Variants in CUBN observed in about 807,000 individuals in gnomAD.
The protein encoded by CUBN is cubilin.
In CUBN, 282 loss-of-function variants were observed where a neutral mutation model predicts 405.3. The ratio of observed to expected loss-of-function variants is 0.70; its 90% CI spans 0.63 to 0.77. CUBN has a LOEUF of 0.77. Among genes scored for constraint, CUBN ranks in the 30% least tolerant of loss-of-function variants. The pLI, the probability that CUBN is intolerant of heterozygous loss-of-function variation, is 0.00. For synonymous variants in CUBN, 1,684 were observed against 1,617.0 expected (o/e 1.04, Z -0.99); for missense variants, 4,514 against 4,475.2 (o/e 1.01, Z -0.25).
At chr10:17,000,155 A>C (rs1386192426) in intron 28 of CUBN, among the ~76,000 whole-genome samples, 3 of 152,074 alleles carry the variant, frequency 2.0e-5, no homozygotes, top group Admixed American at 6.5e-5. Context: ...CCCATGGTCC[A>C]CTCTAGCCCG....
chr10:17,123,554 G>C, intron 5 of CUBN, 34 bp downstream of exon 5: 3 of 1,454,586 alleles, frequency 2.1e-6, no homozygotes, highest in Non-Finnish European at 1.9e-6. Context: ...ATGCTGACCT[G>C]CCATCATTCT....
chr10:16,966,941 G>A (rs942776906), intron 31 of CUBN, among the ~76,000 whole-genome samples: 7 of 152,112 alleles, frequency 4.6e-5, no homozygotes, highest in African/African-American at 1.7e-4. Flanking sequence ...ATAATATGGC[G>A]GTATACCTGC....
chr10:17,113,609 C>T (rs1028538980), intron 8 of CUBN, among the ~76,000 whole-genome samples: 13 of 152,112 alleles, frequency 8.5e-5, no homozygotes, highest in African/African-American at 2.7e-4. Context: ...AGGTCAAGGC[C>T]GCAAGATACT....
intron 31 of CUBN, among the ~76,000 whole-genome samples, chr10:16,974,354 GCCTGGGT>G (rs935175452): frequency 6.6e-6 from 1 of 151,992 alleles, no homozygotes; most frequent in African/African-American, 2.4e-5. Flanking sequence ...TTAATGTCTT[GCCTGGGT>G]TCTTAGAGGT....
intron 6 of CUBN, among the ~76,000 whole-genome samples, chr10:17,119,430 C>A (rs1300570051): frequency 6.6e-6 from 1 of 152,100 alleles, no homozygotes; most frequent in Non-Finnish European, 1.5e-5. Context: ...GTGGCTGAAG[C>A]GGGCAGATCA....
intron 27 of CUBN, among the ~76,000 whole-genome samples, chr10:17,032,396 G>A (rs998185984): frequency 6.6e-6 from 1 of 152,134 alleles, no homozygotes. Context: ...GGACTCCAGA[G>A]CCCACACTGT....
chr10:17,004,535 C>T (rs925591872), intron 28 of CUBN, among the ~76,000 whole-genome samples: 7 of 152,196 alleles, frequency 4.6e-5, no homozygotes, highest in African/African-American at 1.7e-4. Flanking sequence ...GATTTCCTAT[C>T]TATGAATAAT....
At chr10:17,095,475 T>C (rs563651380) in intron 14 of CUBN, among the ~76,000 whole-genome samples, 20 of 152,146 alleles carry the variant, frequency 1.3e-4, no homozygotes, top group Non-Finnish European at 1.5e-4. Flanking sequence ...ATAGAAAACA[T>C]ATAAATGGTC....
intron 28 of CUBN, among the ~76,000 whole-genome samples, chr10:17,007,187 C>T (rs1375052159): frequency 1.3e-5 from 2 of 151,082 alleles, no homozygotes; most frequent in African/African-American, 4.9e-5. Context: ...CCCCCACCCC[C>T]TCCCCCTGCA....
At chr10:16,865,514 G>C (rs953541921) in intron 59 of CUBN, among the ~76,000 whole-genome samples, 1 of 152,122 alleles carries the variant, frequency 6.6e-6, no homozygotes, top group African/African-American at 2.4e-5. Context: ...GAGAGGTGAA[G>C]CCAGTTGGAC....
At position 17,104,600 on chromosome 10, in the gene CUBN, A is replaced by G. The variant is rs201404467; in HGVS notation, c.1236T>C (p.Thr412=). The change falls in exon 12 of 67, where the codon ACT becomes ACC. Residue 412 remains threonine, a synonymous_variant. Transcript: ENST00000377833. ...HPCLNGQCID[T]VSGYFCKCDS... ...CACACTTACAAAAATAACCAGAGAC[A>G]GTGTCCTAAGGGGAAAAAAAACACA... The G allele has an allele frequency of 1.8e-4, 286 of 1,612,954 alleles. No homozygotes were observed. The Middle Eastern group carries it at 1.8e-3, about 10-fold the overall frequency.
chr10:17,099,463 G>A (rs1452138547), intron 14 of CUBN, among the ~76,000 whole-genome samples: 1 of 152,136 alleles, frequency 6.6e-6, no homozygotes, highest in Non-Finnish European at 1.5e-5. Flanking sequence ...GACCAACTAA[G>A]ACTCATGTTT....
chr10:16,915,269 A>C lies in CUBN; in HGVS notation c.7211-97T>G, dbSNP rs1841852030. On this transcript the variant is annotated intron_variant, in intron 46 of 66. Transcript: ENST00000377833. ...TGTGTGTACAAAGAAAATAATAAAA[A>C]ACAAGACCCTGCCTATGAAGAAACG... 2.8e-6 allele frequency: 4 copies of C among 1,428,408 alleles called. No homozygotes were observed. In the Admixed American group the frequency reaches 6.9e-5, roughly 24 times the overall value. 88.5% of individuals were successfully genotyped at this position (1,428,408 alleles called of 1,614,324 possible).
intron 39 of CUBN, among the ~76,000 whole-genome samples, chr10:16,934,013 T>A (rs1842430269): frequency 6.6e-6 from 1 of 152,216 alleles, no homozygotes; most frequent in Non-Finnish European, 1.5e-5. Context: ...AGGAAGTTGC[T>A]GAACTGGAAT....
chr10:16,888,657 T>G, intron 55 of CUBN, 91 bp from the exon 56 acceptor site: 1 of 1,085,330 alleles, frequency 9.2e-7, no homozygotes, highest in Non-Finnish European at 1.4e-6. Flanking sequence ...CTAAATTATC[T>G]ATAGACATAG....
intron 22 of CUBN, among the ~76,000 whole-genome samples, chr10:17,050,242 C>T (rs962889664): frequency 1.3e-5 from 2 of 152,156 alleles, no homozygotes; most frequent in Admixed American, 1.3e-4. Flanking sequence ...ACTAAACTAG[C>T]TGCTCTCCTT....
rs979775159 is a variant in CUBN, at chr10:16,884,104, C to T, written c.8905+4313G>A. On this transcript the variant is annotated intron_variant, in intron 56 of 66. Transcript: ENST00000377833. ...ACGCCATTCTCCTGCTTCAGCTTCC[C>T]GAGTAGCTGGGACTACAGGGGCCCG... Among the ~76,000 whole-genome samples, 4 of 152,254 alleles carry T rather than the reference C, an allele frequency of 2.6e-5. No individual in the cohort carries two copies. In the South Asian group the frequency reaches 6.2e-4, roughly 24 times the overall value.
chr10:16,888,644 T>G, intron 55 of CUBN, 78 bp from the exon 56 acceptor site: 1 of 1,274,772 alleles, frequency 7.8e-7, no homozygotes, highest in African/African-American at 1.5e-5. Context: ...AAGAGGCATT[T>G]TCCTAAATTA....
In CUBN at chr10:17,088,300, G is replaced by C; in HGVS notation, c.1811C>G (p.Pro604Arg). The C allele has an allele frequency of 6.2e-7, 1 of 1,613,504 alleles. No individual in the cohort carries two copies. The highest frequency in any genetic ancestry group is 8.5e-7 in the Non-Finnish European group (1 of 1,179,556). The change falls in exon 15 of 67, where the codon CCG becomes CGG. Residue 604 changes from proline to arginine, a missense_variant. By Grantham distance (103) the Pro-to-Arg change is moderately radical. This residue lies in a region of CUBN where 1,448 missense variants were observed against 1,388.0 expected (regional missense o/e 1.04). Coordinates refer to ENST00000377833, the MANE Select transcript of CUBN (RefSeq NM_001081.4). Reference sequence around the variant, plus strand: ...TGGGGGATAGTTTCCAGGATACCCCGGAGACTTAATAGAACCGTAAGGACC... The same window carrying C: ...TGGGGGATAGTTTCCAGGATACCCCCGAGACTTAATAGAACCGTAAGGACC... ...LTGPYGSIKS[P>R]GYPGNYPPGR...
Sources: gnomAD v4.1 joint callset for allele counts (sites outside exome capture counted in the v4.1 genomes callset) on GRCh38, gnomAD v4.1.1 for gene constraint, gnomAD v4.1.1 regional missense constraint, MANE v1.5 for transcripts, NCBI Gene and HGNC (gene_info 2026-07-23, HGNC 2026-07-21) for gene names.